The following HS3ST3B1 variants were observed in gnomAD, a reference collection of about 807,000 sequenced individuals.
HS3ST3B1 encodes heparan sulfate glucosamine 3-O-sulfotransferase 3B1.
A neutral mutation model predicts 21.3 loss-of-function variants in HS3ST3B1; 13 were observed. The ratio of observed to expected loss-of-function variants is 0.61; its 90% CI spans 0.40 to 0.97. The LOEUF (loss-of-function observed/expected upper bound fraction) is 0.97, where lower values mean the gene tolerates loss of function less well. Among genes scored for constraint, HS3ST3B1 ranks in the 50% least tolerant of loss-of-function variants. The pLI, the probability that HS3ST3B1 is intolerant of heterozygous loss-of-function variation, is 0.00. For synonymous variants in HS3ST3B1, 234 were observed against 254.8 expected, an observed-to-expected ratio of 0.92 and a Z score of 0.78; for missense variants, 459 against 554.8, an observed-to-expected ratio of 0.83 and a Z score of 1.73.
At position 14,301,711 on chromosome 17, in the gene HS3ST3B1, G is replaced by C. The variant is rs1253852064; in HGVS notation, c.193G>C (p.Gly65Arg). 1.2e-6 allele frequency: 2 copies of C among 1,602,588 alleles called. No individual in the cohort carries two copies. Among genetic ancestry groups the C allele is most frequent in the African/African-American group, 2.7e-5 (2 of 73,698 alleles). The change falls in exon 1 of 2, where the codon GGC becomes CGC. Residue 65 changes from glycine to arginine, a missense_variant. This residue lies in a region of HS3ST3B1 where 317 missense variants were observed against 278.6 expected (regional missense o/e 1.14). Coordinates refer to ENST00000360954, the MANE Select transcript of HS3ST3B1 (RefSeq NM_006041.3). ...CAAAPGLLLL[G>R]SGSRAAHDPP... is the part of the protein sequence containing the mutation. ...CGCCGCGCCGGGGCTGCTGCTCCTGGGCTCTGGGTCCCGCGCCGCACACGA... is the reference window on the plus strand; with the variant it reads ...CGCCGCGCCGGGGCTGCTGCTCCTGCGCTCTGGGTCCCGCGCCGCACACGA...
At chr17:14,342,016 A>G (rs998664719) in intron 1 of HS3ST3B1, among the ~76,000 whole-genome samples, 1 of 152,216 alleles carries the variant, frequency 6.6e-6, no homozygotes, top group African/African-American at 2.4e-5. Flanking sequence ...CTGCTGAGGC[A>G]GTCTTCCTTA....
rs1910624676 is a variant in HS3ST3B1, at chr17:14,347,933, G to A, written c.*2287G>A. On this transcript the variant is annotated 3_prime_UTR_variant, in exon 2 of 2. Coordinates refer to ENST00000360954, the MANE Select transcript of HS3ST3B1 (RefSeq NM_006041.3). ...GATTGTGAAAAACACCTGCATAAGG[G>A]TGCTAATTGGTTGTGTATTTTTTCA... 1 of 152,224 alleles carries A rather than the reference G, an allele frequency of 6.6e-6. No individual in the cohort carries two copies. The highest frequency in any genetic ancestry group is 1.5e-5 in the Non-Finnish European group (1 of 68,042). The allele number at this position is 152,224 out of a possible 1,614,324, so 9.4% of individuals were successfully genotyped here.
chr17:14,312,833 A>T (rs1007993250), intron 1 of HS3ST3B1, among the ~76,000 whole-genome samples: 2 of 150,784 alleles, frequency 1.3e-5, no homozygotes, highest in Admixed American at 6.6e-5. Context: ...ATTGTCCAGC[A>T]CCATGAGGAC....
chr17:14,318,806 C>A (rs1176103676), intron 1 of HS3ST3B1, among the ~76,000 whole-genome samples: 1 of 152,196 alleles, frequency 6.6e-6, no homozygotes, highest in East Asian at 1.9e-4. Flanking sequence ...GTGTTTTCTT[C>A]CAGTCCCAGC....
chr17:14,315,765 G>A (rs531987719), intron 1 of HS3ST3B1, among the ~76,000 whole-genome samples: 17 of 151,460 alleles, frequency 1.1e-4, no homozygotes, highest in Non-Finnish European at 2.1e-4. Context: ...AGGTTGTAGT[G>A]AGCTGAGATT....
chr17:14,332,646 T>C (rs1910051035), intron 1 of HS3ST3B1, among the ~76,000 whole-genome samples: 1 of 151,780 alleles, frequency 6.6e-6, no homozygotes, highest in Admixed American at 6.6e-5. Context: ...CACCGGTTCT[T>C]GGGTCCCTCA....
chr17:14,303,006 T>C lies in HS3ST3B1; in HGVS notation c.554+934T>C, dbSNP rs886863. ...TGCGGGTCAGGTTCCAAAGGGACAGTGGCCCCGGGGTCACAATCACTACCT... is the reference window on the plus strand; with the variant it reads ...TGCGGGTCAGGTTCCAAAGGGACAGCGGCCCCGGGGTCACAATCACTACCT... On this transcript the variant is annotated intron_variant, in intron 1 of 1. Transcript: ENST00000360954. This position sits in a 1 kb window ranked among gnomAD's most constrained non-coding sequence, Gnocchi z 5.7. Among the ~76,000 whole-genome samples, 33,420 of 152,142 alleles carry C rather than the reference T, an allele frequency of 0.22. 3,753 individuals are homozygous for C. The highest frequency in any genetic ancestry group is 0.29 in the Middle Eastern group (86 of 294).
intron 1 of HS3ST3B1, among the ~76,000 whole-genome samples, chr17:14,331,933 C>G (rs1165738181): frequency 6.6e-6 from 1 of 152,106 alleles, no homozygotes; most frequent in African/African-American, 2.4e-5. Context: ...TTCTGCCCAG[C>G]CTCCTCCCGC....
chr17:14,340,003 G>A (rs985836142), intron 1 of HS3ST3B1, among the ~76,000 whole-genome samples: 8 of 152,142 alleles, frequency 5.3e-5, no homozygotes, highest in East Asian at 1.9e-4. Flanking sequence ...AGGACTGCGC[G>A]GTTGTAGGGT....
At chr17:14,311,250 A>AC (rs1909296524) in intron 1 of HS3ST3B1, among the ~76,000 whole-genome samples, 2 of 151,042 alleles carry the variant, frequency 1.3e-5, no homozygotes, top group Non-Finnish European at 1.5e-5. Flanking sequence ...AAAAAAAAAA[A>AC]AAAAAACTGT....
Position 14,331,435 on chromosome 17 carries a change from C to A in HS3ST3B1, c.555-13593C>A, listed in dbSNP as rs1011697578. ...GAGATGCTCTTTTGAGCTCCACCCCCTTATGGTATTCAAGGGCTTTTCATT... is the reference window on the plus strand; with the variant it reads ...GAGATGCTCTTTTGAGCTCCACCCCATTATGGTATTCAAGGGCTTTTCATT... On this transcript the variant is annotated intron_variant, in intron 1 of 1. Transcript: ENST00000360954. Among the ~76,000 whole-genome samples the A allele has an allele frequency of 4.6e-5, 7 of 152,106 alleles. No homozygotes were observed. The East Asian group carries it at 9.7e-4, about 21-fold the overall frequency.
At chr17:14,344,996 C>T (rs1910504245) in intron 1 of HS3ST3B1, 32 bp from the exon 2 acceptor site, 1 of 1,598,900 alleles carries the variant, frequency 6.3e-7, no homozygotes, top group Admixed American at 1.7e-5. Context: ...GCGTCACCTT[C>T]TGATCCCGGT....
intron 1 of HS3ST3B1, among the ~76,000 whole-genome samples, chr17:14,330,096 C>G (rs1326689143): frequency 6.6e-6 from 1 of 152,244 alleles, no homozygotes; most frequent in Non-Finnish European, 1.5e-5. Flanking sequence ...TTGAACTCCA[C>G]TTTTCTTTTG....
chr17:14,333,477 A>C (rs1910085389), intron 1 of HS3ST3B1, among the ~76,000 whole-genome samples: 1 of 149,762 alleles, frequency 6.7e-6, no homozygotes. Flanking sequence ...CAAAAAAAAA[A>C]CAACAAAAAA....
At chr17:14,343,281 C>G (rs898780644) in intron 1 of HS3ST3B1, among the ~76,000 whole-genome samples, 1 of 151,814 alleles carries the variant, frequency 6.6e-6, no homozygotes, top group Admixed American at 6.6e-5. Flanking sequence ...TTCAATCAAG[C>G]AAATTAACAT....
intron 1 of HS3ST3B1, among the ~76,000 whole-genome samples, chr17:14,340,349 C>A (rs7222663): frequency 6.6e-6 from 1 of 151,862 alleles, no homozygotes; most frequent in Non-Finnish European, 1.5e-5. Context: ...CCTATTAGAT[C>A]GGTTTAGCCA....
rs1422627546 is a variant in HS3ST3B1, at chr17:14,347,552, G to A, written c.*1906G>A. On this transcript the variant is annotated 3_prime_UTR_variant, in exon 2 of 2. Transcript: ENST00000360954. ...CAAAGGACACTTTTGTATGTTGTAT[G>A]GGATCACTTGCCTGATAGTATAAGG... The A allele has an allele frequency of 6.6e-6, 1 of 152,166 alleles. No individual in the cohort carries two copies. Among genetic ancestry groups the A allele is most frequent in the Non-Finnish European group, 1.5e-5 (1 of 68,034 alleles). The allele number at this position is 152,166 out of a possible 1,614,324, so 9.4% of individuals were successfully genotyped here. A position where few individuals can be genotyped will look rare whatever the true frequency, so the allele number is the denominator to read the frequency against.
chr17:14,304,151 A>C (rs978160315), intron 1 of HS3ST3B1: 1 of 152,178 alleles, frequency 6.6e-6, no homozygotes, highest in Non-Finnish European at 1.5e-5. Context: ...GCGGCCACGC[A>C]TGGCGGCTGG....
chr17:14,348,418 C>T lies in HS3ST3B1; in HGVS notation c.*2772C>T, dbSNP rs1910635959. 6.6e-6 allele frequency: 1 copy of T among 152,142 alleles called. No individual in the cohort carries two copies. The highest frequency in any genetic ancestry group is 1.5e-5 in the Non-Finnish European group (1 of 68,030). 9.4% of individuals were successfully genotyped at this position (152,142 alleles called of 1,614,324 possible). A position where few individuals can be genotyped will look rare whatever the true frequency, so the allele number is the denominator to read the frequency against. ...AATAAATCAAACATCATGTGCATCTCCTCATAAGGGTCTGCAAGGGTCTGA... is the reference window on the plus strand; with the variant it reads ...AATAAATCAAACATCATGTGCATCTTCTCATAAGGGTCTGCAAGGGTCTGA... On this transcript the variant is annotated 3_prime_UTR_variant, in exon 2 of 2. Coordinates refer to ENST00000360954, the MANE Select transcript of HS3ST3B1 (RefSeq NM_006041.3).
Sources: gnomAD v4.1 joint callset for allele counts (sites outside exome capture counted in the v4.1 genomes callset) on GRCh38, gnomAD v4.1.1 for gene constraint, gnomAD v4.1.1 regional missense constraint, Gnocchi (gnomAD v3.1) non-coding constraint, MANE v1.5 for transcripts, NCBI Gene and HGNC (gene_info 2026-07-23, HGNC 2026-07-21) for gene names.